The following MARCHF1 variants were observed in gnomAD, a reference collection of about 807,000 sequenced individuals.
The protein encoded by MARCHF1 is E3 ubiquitin-protein ligase MARCHF1.
Under a neutral mutation model 54.2 loss-of-function variants are expected in MARCHF1, and 40 were observed. The ratio of observed to expected loss-of-function variants is 0.74; its 90% CI spans 0.57 to 0.96. The LOEUF is 0.96. MARCHF1 is among the 40% of genes least tolerant of loss of function. MARCHF1 has a pLI of 0.00. For synonymous variants in MARCHF1, 236 were observed against 236.3 expected (o/e 1.00, Z 0.01); for missense variants, 586 against 656.5 (o/e 0.89, Z 1.17).
Position 163,937,256 on chromosome 4 carries a change from A to T in MARCHF1, c.-39+51245T>A, listed in dbSNP as rs186938709. Among the ~76,000 whole-genome samples, 780 of 152,288 alleles carry T rather than the reference A, an allele frequency of 5.1e-3. 7 individuals carry two copies. The highest frequency in any genetic ancestry group is 0.018 in the African/African-American group (746 of 41,580). ...AAGAAATTAGTCAATACATACATAT[A>T]CATACAAACATATACATACACATAT... is the stretch of plus-strand genomic sequence containing the variant. On this transcript the variant is annotated intron_variant, in intron 3 of 9. Coordinates refer to ENST00000514618, the MANE Select transcript of MARCHF1 (RefSeq NM_001394959.1).
rs1030246447 is a variant in MARCHF1 at position 163,632,880 on chromosome 4, C to T, written c.163-19487G>A. Among the ~76,000 whole-genome samples, 6 of 152,200 alleles carry T rather than the reference C, an allele frequency of 3.9e-5. No homozygotes were observed. The South Asian group carries it at 6.2e-4, about 16-fold the overall frequency. ...GCTTTGAAGAGAGCAGTGGTTCTCC[C>T]AGTATGCAGCTGGAGATCTGAGAAC... is the stretch of plus-strand genomic sequence containing the variant. On this transcript the variant is annotated intron_variant, in intron 5 of 9. Transcript: ENST00000514618.
chr4:163,870,971 C>T (rs1750156246), intron 3 of MARCHF1, among the ~76,000 whole-genome samples: 1 of 151,786 alleles, frequency 6.6e-6, no homozygotes. Flanking sequence ...TTTCAAATAG[C>T]TATAAAGAAC....
At chr4:164,095,403 C>CACACACACACAA (rs574990652) in intron 2 of MARCHF1, among the ~76,000 whole-genome samples, 28 of 146,986 alleles carry the variant, frequency 1.9e-4, no homozygotes, top group African/African-American at 7.1e-4. Context: ...TGCTATATTA[C>CACACACACACAA]ACACACACAC....
chr4:163,863,966 T>G (rs1749995907), intron 3 of MARCHF1, among the ~76,000 whole-genome samples: 1 of 151,944 alleles, frequency 6.6e-6, no homozygotes, highest in South Asian at 2.1e-4. Context: ...AATAAAGTAG[T>G]AACAGATTAT....
intron 8 of MARCHF1, among the ~76,000 whole-genome samples, chr4:163,563,004 T>C (rs1739522567): frequency 6.6e-6 from 1 of 152,230 alleles, no homozygotes; most frequent in Non-Finnish European, 1.5e-5. Context: ...CTAGCTCGAA[T>C]GTTGTGCCTG....
chr4:163,853,507 A>G (rs914333636), intron 4 of MARCHF1, among the ~76,000 whole-genome samples: 9 of 152,212 alleles, frequency 5.9e-5, no homozygotes, highest in Non-Finnish European at 1.3e-4. Context: ...CAAAACATGA[A>G]GGAGCACATT....
chr4:163,953,109 C>A (rs1309534670), intron 3 of MARCHF1, among the ~76,000 whole-genome samples: 1 of 152,122 alleles, frequency 6.6e-6, no homozygotes, highest in Non-Finnish European at 1.5e-5. Flanking sequence ...ATGTGGATGC[C>A]TTCCTCCAAC....
At chr4:164,154,010 C>T (rs138809168) in intron 1 of MARCHF1, among the ~76,000 whole-genome samples, 2 of 152,270 alleles carry the variant, frequency 1.3e-5, no homozygotes, top group Non-Finnish European at 2.9e-5. Context: ...TTTTCTGCCA[C>T]TCAAGAGCTA....
At chr4:163,554,595 G>A (rs1041759432) in intron 8 of MARCHF1, among the ~76,000 whole-genome samples, 1 of 152,180 alleles carries the variant, frequency 6.6e-6, no homozygotes, top group Non-Finnish European at 1.5e-5. Context: ...TGTCTGGCTT[G>A]GGTCAAGTAA....
intron 8 of MARCHF1, among the ~76,000 whole-genome samples, chr4:163,547,078 C>T (rs540041560): frequency 6.6e-6 from 1 of 152,312 alleles, no homozygotes; most frequent in African/African-American, 2.4e-5. Context: ...CCATTCCTTC[C>T]CCACCTGACC....
intron 4 of MARCHF1, among the ~76,000 whole-genome samples, chr4:163,844,569 A>G (rs958028303): frequency 2.6e-5 from 4 of 152,200 alleles, no homozygotes; most frequent in Non-Finnish European, 5.9e-5. Flanking sequence ...TATTTGTTGC[A>G]TAGTATAGTG....
At chr4:164,015,449 C>A (rs756690210) in intron 2 of MARCHF1, among the ~76,000 whole-genome samples, 6 of 152,008 alleles carry the variant, frequency 3.9e-5, no homozygotes, top group African/African-American at 7.2e-5. Context: ...CAGAAATAGA[C>A]AAATGAGATC....
chr4:164,282,285 C>A (rs1000559064), intron 1 of MARCHF1, among the ~76,000 whole-genome samples: 4 of 150,784 alleles, frequency 2.7e-5, no homozygotes, highest in African/African-American at 9.7e-5. Flanking sequence ...CTGCCTTCAC[C>A]AATATTATCT....
intron 1 of MARCHF1, among the ~76,000 whole-genome samples, chr4:164,365,444 A>T (rs1320958986): frequency 6.6e-6 from 1 of 152,100 alleles, no homozygotes; most frequent in East Asian, 1.9e-4. Flanking sequence ...GTAAGGTAAC[A>T]GAAAATAAAC....
intron 2 of MARCHF1, among the ~76,000 whole-genome samples, chr4:164,065,350 C>A (rs1179751348): frequency 6.6e-6 from 1 of 152,144 alleles, no homozygotes; most frequent in South Asian, 2.1e-4. Flanking sequence ...GGAAGACAAC[C>A]TAGGCAATAC....
In MARCHF1 at chr4:164,220,606, A is replaced by G. The variant is rs796260306; in HGVS notation, c.-322-108944T>C. On this transcript the variant is annotated intron_variant, in intron 1 of 9. Coordinates refer to ENST00000514618, the MANE Select transcript of MARCHF1 (RefSeq NM_001394959.1). ...TATGATATATGTATATATGTAATAT[A>G]TATGCTATATATGCATATATGTAAT... Among the ~76,000 whole-genome samples, 1,177 of 138,740 alleles carry G rather than the reference A, an allele frequency of 8.5e-3. 8 individuals carry two copies. Among genetic ancestry groups the G allele is most frequent in the African/African-American group, 0.029 (1,096 of 37,988 alleles). The allele number at this position is 138,740 out of a possible 152,430, so 91.0% of individuals were successfully genotyped here.
intron 5 of MARCHF1, among the ~76,000 whole-genome samples, chr4:163,687,307 A>G (rs897530690): frequency 1.3e-5 from 2 of 151,256 alleles, no homozygotes; most frequent in Admixed American, 6.6e-5. Flanking sequence ...GGCTCACTGC[A>G]AACTCCACCT....
intron 3 of MARCHF1, among the ~76,000 whole-genome samples, chr4:163,961,573 G>A (rs1223363861): frequency 1.3e-5 from 2 of 151,726 alleles, no homozygotes; most frequent in African/African-American, 2.4e-5. Context: ...CCTTCTCCAC[G>A]AGTCTCTTGT....
intron 5 of MARCHF1, among the ~76,000 whole-genome samples, chr4:163,658,798 A>C (rs1258174977): frequency 6.6e-6 from 1 of 151,774 alleles, no homozygotes; most frequent in African/African-American, 2.4e-5. Context: ...TGGTCGGGGG[A>C]ATGTGGGAGG....
Sources: allele counts gnomAD v4.1 joint callset (sites outside exome capture counted in the v4.1 genomes callset), GRCh38; gene constraint gnomAD v4.1.1; transcripts MANE v1.5; gene names NCBI Gene and HGNC (gene_info 2026-07-23, HGNC 2026-07-21).